The following AFF3 variants were observed in gnomAD, a reference collection of about 807,000 sequenced individuals.
The protein encoded by AFF3 is ALF transcription elongation factor 3, also known as AF4/FMR2 family member 3.
AFF3 carries 32 observed loss-of-function variants against 129.7 expected under a neutral mutation model. The observed-to-expected ratio is 0.25, with a 90% CI of 0.19 to 0.33. The LOEUF (loss-of-function observed/expected upper bound fraction) is 0.33, where lower values mean the gene tolerates loss of function less well. Among genes scored for constraint, AFF3 ranks in the 10% least tolerant of loss-of-function variants. The pLI is 1.00. For missense variants in AFF3, 1,373 were observed against 1,592.0 expected (o/e 0.86, Z 2.34); for synonymous variants, 644 against 635.4 (o/e 1.01, Z -0.20).
chr2:100,068,104 T>C (rs1417995720), intron 4 of AFF3, among the ~76,000 whole-genome samples: 1 of 152,214 alleles, frequency 6.6e-6, no homozygotes, highest in East Asian at 1.9e-4. Context: ...GGCCGCAAGA[T>C]CACAAGCTAC....
At chr2:99,963,452 A>C (rs952488088) in intron 7 of AFF3, among the ~76,000 whole-genome samples, 1 of 152,126 alleles carries the variant, frequency 6.6e-6, no homozygotes, top group African/African-American at 2.4e-5. Flanking sequence ...ATTACATTTA[A>C]AGAGAGGAAA....
chr2:100,011,184 G>A (rs1199579996), intron 4 of AFF3, among the ~76,000 whole-genome samples: 1 of 152,196 alleles, frequency 6.6e-6, no homozygotes, highest in East Asian at 1.9e-4. Flanking sequence ...TGAGGCAGGA[G>A]AACGGCACGA....
At chr2:99,654,409 C>T (rs572178850) in intron 12 of AFF3, among the ~76,000 whole-genome samples, 9 of 152,088 alleles carry the variant, frequency 5.9e-5, no homozygotes, top group African/African-American at 2.2e-4. Context: ...TTTAAAAAAA[C>T]CTTCAGCTTT....
At chr2:99,945,173 A>G (rs528205895) in intron 7 of AFF3, among the ~76,000 whole-genome samples, 21 of 152,362 alleles carry the variant, frequency 1.4e-4, no homozygotes, top group African/African-American at 5.0e-4. Flanking sequence ...CCGGCAATCA[A>G]TCAAACAGCC....
At chr2:99,863,620 C>G (rs1691160704) in intron 7 of AFF3, among the ~76,000 whole-genome samples, 1 of 152,132 alleles carries the variant, frequency 6.6e-6, no homozygotes, top group Non-Finnish European at 1.5e-5. Flanking sequence ...GCTCTGACCC[C>G]AAGATACAAT....
chr2:100,015,651 C>A (rs1037706947), intron 4 of AFF3, among the ~76,000 whole-genome samples: 1 of 152,172 alleles, frequency 6.6e-6, no homozygotes, highest in Admixed American at 6.5e-5. Context: ...AGCAAGGTTG[C>A]TGAAGTGTAC....
At chr2:99,684,248 C>T (rs1390121057) in intron 11 of AFF3, among the ~76,000 whole-genome samples, 2 of 152,206 alleles carry the variant, frequency 1.3e-5, no homozygotes, top group Admixed American at 1.3e-4. Flanking sequence ...TCATTTAAGA[C>T]TCATCATGGA....
At chr2:99,911,190 C>A (rs1025813840) in intron 7 of AFF3, among the ~76,000 whole-genome samples, 1 of 152,098 alleles carries the variant, frequency 6.6e-6, no homozygotes, top group East Asian at 1.9e-4. Flanking sequence ...AATCGATTGA[C>A]CTGTTTTGTA....
intron 14 of AFF3, among the ~76,000 whole-genome samples, chr2:99,596,018 GAT>G (rs1477819685): frequency 2.0e-5 from 3 of 152,258 alleles, no homozygotes; most frequent in Non-Finnish European, 2.9e-5. Context: ...GGGCTGTGAG[GAT>G]GCGGAAGCCC....
At chr2:99,713,081 G>A (rs1011167044) in intron 11 of AFF3, among the ~76,000 whole-genome samples, 1 of 152,150 alleles carries the variant, frequency 6.6e-6, no homozygotes, top group Non-Finnish European at 1.5e-5. Flanking sequence ...ATGGGGAGGA[G>A]CAGGGAACAG....
chr2:99,783,033 C>T (rs912753278), intron 8 of AFF3, among the ~76,000 whole-genome samples: 105 of 152,158 alleles, frequency 6.9e-4, no homozygotes, highest in Middle Eastern at 3.2e-3. Flanking sequence ...TGGTACCTGG[C>T]GCCCAGGCTG....
At chr2:99,795,692 C>G (rs1413033526) in intron 8 of AFF3, among the ~76,000 whole-genome samples, 1 of 151,766 alleles carries the variant, frequency 6.6e-6, no homozygotes, top group Non-Finnish European at 1.5e-5. Context: ...ATTCCTTTAG[C>G]TTGAATGCCT....
At chr2:100,031,497 G>A (rs376109878) in intron 4 of AFF3, among the ~76,000 whole-genome samples, 1 of 152,192 alleles carries the variant, frequency 6.6e-6, no homozygotes, top group South Asian at 2.1e-4. Flanking sequence ...CTGTAGCTGA[G>A]TGACCCTACA....
intron 22 of AFF3, among the ~76,000 whole-genome samples, chr2:99,555,837 A>T (rs574037399): frequency 2.0e-5 from 3 of 152,330 alleles, no homozygotes; most frequent in African/African-American, 7.2e-5. Context: ...CAGAACTCTG[A>T]GGTGCTACAA....
chr2:99,863,839 T>C (rs1318820964), intron 7 of AFF3, among the ~76,000 whole-genome samples: 2 of 152,204 alleles, frequency 1.3e-5, no homozygotes, highest in African/African-American at 2.4e-5. Flanking sequence ...GAAATGCATA[T>C]GCCACAAAGA....
In AFF3 at chr2:99,687,239, T is replaced by C. The variant is rs114005922; in HGVS notation, c.1092-14650A>G. On this transcript the variant is annotated intron_variant, in intron 11 of 24. Transcript: ENST00000672756. ...CTGGCTTCTGAGGCACTTTGATCAT[T>C]GTCACCCATGCAGCCATTTTTAATA... is the stretch of plus-strand genomic sequence containing the variant. 5.4e-3 allele frequency among the ~76,000 whole-genome samples: 826 copies of C among 152,350 alleles called. 7 individuals carry two copies. The highest frequency in any genetic ancestry group is 0.017 in the African/African-American group (717 of 41,578).
chr2:100,078,013 A>C (rs919284166), intron 4 of AFF3, among the ~76,000 whole-genome samples: 1 of 152,196 alleles, frequency 6.6e-6, no homozygotes, highest in African/African-American at 2.4e-5. Context: ...CTTCAGAAGC[A>C]TTCTTCCTGC....
chr2:99,948,660 ACTT>A (rs1423747768), intron 7 of AFF3, among the ~76,000 whole-genome samples: 1 of 152,108 alleles, frequency 6.6e-6, no homozygotes, highest in Non-Finnish European at 1.5e-5. Context: ...AAAGAACAAA[ACTT>A]CTCCAGACAG....
chr2:99,962,378 C>A (rs1011782247), intron 7 of AFF3, among the ~76,000 whole-genome samples: 1 of 152,296 alleles, frequency 6.6e-6, no homozygotes, highest in East Asian at 1.9e-4. Flanking sequence ...AATCACCCAT[C>A]ATACCAAGAA....
Sources: gnomAD v4.1 joint callset for allele counts (sites outside exome capture counted in the v4.1 genomes callset) on GRCh38, gnomAD v4.1.1 for gene constraint, MANE v1.5 for transcripts, NCBI Gene and HGNC (gene_info 2026-07-23, HGNC 2026-07-21) for gene names.